The following PCDHGA3 variants were observed in gnomAD, a reference collection of about 807,000 sequenced individuals.
PCDHGA3 encodes the protein protocadherin gamma subfamily A, 3, also known as protocadherin gamma-A3.
Under a neutral mutation model 58.5 loss-of-function variants are expected in PCDHGA3, and 40 were observed. That is an observed-to-expected ratio of 0.68 (90% CI 0.53 to 0.89). PCDHGA3 has a LOEUF of 0.89. PCDHGA3 is among the 40% of genes least tolerant of loss of function. PCDHGA3 has a pLI of 0.00. For missense variants in PCDHGA3, 1,223 were observed against 1,195.9 expected, an observed-to-expected ratio of 1.02 and a Z score of -0.33; for synonymous variants, 530 against 525.7, an observed-to-expected ratio of 1.01 and a Z score of -0.11.
chr5:141,426,794 G>C (rs1319220934), intron 1 of PCDHGA3: 1 of 456,708 alleles, frequency 2.2e-6, no homozygotes, highest in East Asian at 6.9e-5. Flanking sequence ...AGAGTTACCA[G>C]CTCAGTTCTA....
chr5:141,375,863 G>A, intron 1 of PCDHGA3: 3 of 1,613,986 alleles, frequency 1.9e-6, no homozygotes, highest in East Asian at 2.2e-5. Context: ...GGTGGTGGCG[G>A]TGGACAGAGA....
chr5:141,447,433 C>G (rs756021616), intron 1 of PCDHGA3, among the ~76,000 whole-genome samples: 1 of 152,118 alleles, frequency 6.6e-6, no homozygotes. Context: ...CCACCGCACC[C>G]GGAGGAAATT....
chr5:141,359,661 A>C (rs545644019), intron 1 of PCDHGA3, among the ~76,000 whole-genome samples: 22 of 152,200 alleles, frequency 1.4e-4, no homozygotes, highest in African/African-American at 4.6e-4. Flanking sequence ...GAATATTTAT[A>C]AAAATCCGTT....
chr5:141,348,888 G>T (rs1758199041), intron 1 of PCDHGA3, among the ~76,000 whole-genome samples: 1 of 152,128 alleles, frequency 6.6e-6, no homozygotes, highest in Admixed American at 6.5e-5. Flanking sequence ...GATCTCATTT[G>T]GTAATGCATT....
chr5:141,374,492 G>T (rs770971184), intron 1 of PCDHGA3: 1 of 1,611,364 alleles, frequency 6.2e-7, no homozygotes, highest in Non-Finnish European at 8.5e-7. Flanking sequence ...CTTAAAGGAA[G>T]AATTGGAAGT....
intron 2 of PCDHGA3, among the ~76,000 whole-genome samples, chr5:141,499,214 C>T (rs1228581603): frequency 6.6e-6 from 1 of 152,074 alleles, no homozygotes; most frequent in Non-Finnish European, 1.5e-5. Flanking sequence ...TAACCCAGGC[C>T]CTGCCCTGCA....
intron 1 of PCDHGA3, chr5:141,398,750 A>G (rs144881560): frequency 1.1e-5 from 17 of 1,613,502 alleles, no homozygotes; most frequent in Middle Eastern, 1.6e-4. Flanking sequence ...CAGAGTTACC[A>G]TCGTTTAGTC....
At chr5:141,421,146 C>T in intron 1 of PCDHGA3, 1 of 1,015,090 alleles carries the variant, frequency 9.9e-7, no homozygotes, top group Non-Finnish European at 1.4e-6. Flanking sequence ...TGGATGTAGT[C>T]GGCCTAGGAC....
At chr5:141,399,475 C>T (rs1561669837) in intron 1 of PCDHGA3, 1 of 1,614,022 alleles carries the variant, frequency 6.2e-7, no homozygotes. Context: ...GGTTTTCCAC[C>T]AGGCGTCCTA....
At chr5:141,361,464 C>T (rs1214574906) in intron 1 of PCDHGA3, 9 of 1,613,932 alleles carry the variant, frequency 5.6e-6, no homozygotes, top group Middle Eastern at 3.3e-4. Flanking sequence ...TGCACATCTC[C>T]GACGTCAACG....
chr5:141,491,014 G>A lies in PCDHGA3; in HGVS notation c.2425-3793G>A, dbSNP rs761902295. On this transcript the variant is annotated intron_variant, in intron 1 of 3. Transcript: ENST00000253812. This position sits in a 1 kb window ranked among gnomAD's most constrained non-coding sequence, Gnocchi z 6.9. ...TCCTCCTGGCTCCTTGGTCACCAAG[G>A]TGACAGCCGTGGATGCTGATGCAGG... 6 of 1,614,134 alleles carry A rather than the reference G, an allele frequency of 3.7e-6. No individual in the cohort carries two copies. Among genetic ancestry groups the A allele is most frequent in the Non-Finnish European group, 4.2e-6 (5 of 1,180,044 alleles).
chr5:141,478,839 T>G, intron 1 of PCDHGA3: 6 of 1,423,322 alleles, frequency 4.2e-6, no homozygotes, highest in Non-Finnish European at 5.5e-6. Flanking sequence ...AAGGGATGGT[T>G]AAGCTAAAAC....
chr5:141,453,721 A>G (rs373983847), intron 1 of PCDHGA3, among the ~76,000 whole-genome samples: 4 of 152,244 alleles, frequency 2.6e-5, no homozygotes, highest in East Asian at 1.9e-4. Flanking sequence ...CTATAAAAAT[A>G]TTTGTTACTA....
intron 3 of PCDHGA3, among the ~76,000 whole-genome samples, chr5:141,507,617 C>T (rs1366723844): frequency 6.6e-6 from 1 of 152,278 alleles, no homozygotes; most frequent in African/African-American, 2.4e-5. Context: ...GTATATTTAG[C>T]TGTTGTGGCC....
chr5:141,490,051 G>A lies in PCDHGA3; in HGVS notation c.2425-4756G>A, dbSNP rs779280988. The A allele has an allele frequency of 6.2e-6, 10 of 1,614,094 alleles. No homozygotes were observed. Among genetic ancestry groups the A allele is most frequent in the Admixed American group, 5.0e-5 (3 of 60,012 alleles). ...CCGCCTCAATGCCACTGATCCAGAC[G>A]AGGGCACCAACGGCCAACTAGACTA... On this transcript the variant is annotated intron_variant, in intron 1 of 3. Coordinates refer to ENST00000253812, the MANE Select transcript of PCDHGA3 (RefSeq NM_018916.4). The surrounding 1 kb of genome is among the most constrained non-coding windows in gnomAD (Gnocchi z 5.4).
At chr5:141,471,309 C>T (rs140651182) in intron 1 of PCDHGA3, 8,212 of 152,202 alleles carry the variant, frequency 0.054, 462 homozygotes, top group African/African-American at 0.15. Flanking sequence ...ACTCGGCCTC[C>T]CAAAGTGCTG....
intron 1 of PCDHGA3, chr5:141,356,657 G>A (rs769198002): frequency 5.0e-6 from 8 of 1,613,976 alleles, no homozygotes; most frequent in Non-Finnish European, 6.8e-6. Flanking sequence ...GACAATGCCC[G>A]AATCACTTAC....
chr5:141,487,421 C>G lies in PCDHGA3; in HGVS notation c.2425-7386C>G. On this transcript the variant is annotated intron_variant, in intron 1 of 3. Transcript: ENST00000253812. This position sits in a 1 kb window ranked among gnomAD's most constrained non-coding sequence, Gnocchi z 5.0. ...GGGGCTTCCCCCTTCCAATGGGATC[C>G]TCCGAATCCAGCTAGGGTCAGATGA... 1 of 1,614,144 alleles carries G rather than the reference C, an allele frequency of 6.2e-7. No individual in the cohort carries two copies. The highest frequency in any genetic ancestry group is 8.5e-7 in the Non-Finnish European group (1 of 1,180,022).
intron 1 of PCDHGA3, chr5:141,383,918 T>C: frequency 6.2e-7 from 1 of 1,613,948 alleles, no homozygotes. Flanking sequence ...GTTTTAGATG[T>C]AAATGATAAT....
Sources: gnomAD v4.1 joint callset for allele counts (sites outside exome capture counted in the v4.1 genomes callset) on GRCh38, gnomAD v4.1.1 for gene constraint, Gnocchi (gnomAD v3.1) non-coding constraint, MANE v1.5 for transcripts, NCBI Gene and HGNC (gene_info 2026-07-23, HGNC 2026-07-21) for gene names.